The following ADGRB3 variants were observed in gnomAD, a reference collection of about 807,000 sequenced individuals.
ADGRB3 encodes brain-specific angiogenesis inhibitor 3.
Under a neutral mutation model 193.4 loss-of-function variants are expected in ADGRB3, and 37 were observed. The observed-to-expected ratio is 0.19, with a 90% CI of 0.15 to 0.25. ADGRB3 has a LOEUF of 0.25. ADGRB3 is among the 10% of genes least tolerant of loss of function. The pLI is 1.00. For synonymous variants in ADGRB3, 690 were observed against 644.2 expected (o/e 1.07, Z -1.08); for missense variants, 1,637 against 1,852.9 (o/e 0.88, Z 2.14).
chr6:68,691,360 G>T (rs1339773425), intron 3 of ADGRB3, among the ~76,000 whole-genome samples: 1 of 151,990 alleles, frequency 6.6e-6, no homozygotes, highest in Non-Finnish European at 1.5e-5. Context: ...TTGAAACAAG[G>T]ACCAGGCATT....
At chr6:68,825,395 G>T (rs923356566) in intron 3 of ADGRB3, among the ~76,000 whole-genome samples, 2 of 152,050 alleles carry the variant, frequency 1.3e-5, no homozygotes, top group African/African-American at 4.8e-5. Context: ...TTTGTATTAT[G>T]TAATGTTTCA....
rs554662098 is a variant in ADGRB3 at position 69,359,543 on chromosome 6, T to A, written c.3596-1326T>A. Among the ~76,000 whole-genome samples, 14 of 152,036 alleles carry A rather than the reference T, an allele frequency of 9.2e-5. No homozygotes were observed. The South Asian group carries it at 2.9e-3, about 32-fold the overall frequency. On this transcript the variant is annotated intron_variant, in intron 28 of 31. Transcript: ENST00000370598. ...TAATATCTTTCAAGATAACAGATATTACATGAATGATTCATGTTTTGAAAT... is the reference window on the plus strand; with the variant it reads ...TAATATCTTTCAAGATAACAGATATAACATGAATGATTCATGTTTTGAAAT...
intron 3 of ADGRB3, among the ~76,000 whole-genome samples, chr6:68,660,538 C>A (rs1165789787): frequency 2.0e-5 from 3 of 150,830 alleles, no homozygotes; most frequent in Non-Finnish European, 4.5e-5. Context: ...TGATTCAGAG[C>A]CACTCAAATT....
At chr6:68,745,436 G>A (rs1766065112) in intron 3 of ADGRB3, among the ~76,000 whole-genome samples, 2 of 152,138 alleles carry the variant, frequency 1.3e-5, no homozygotes, top group South Asian at 4.1e-4. Flanking sequence ...AGGGAATGGG[G>A]AAATAGGGAA....
intron 17 of ADGRB3, among the ~76,000 whole-genome samples, chr6:69,162,266 A>G (rs1775017496): frequency 6.6e-6 from 1 of 152,160 alleles, no homozygotes; most frequent in Non-Finnish European, 1.5e-5. Flanking sequence ...TGTTTACAAA[A>G]TTAATACTCT....
intron 17 of ADGRB3, among the ~76,000 whole-genome samples, chr6:69,163,487 C>T: frequency 6.6e-6 from 1 of 151,960 alleles, no homozygotes; most frequent in East Asian, 1.9e-4. Flanking sequence ...TCAAGTAAAG[C>T]CATTCAAATT....
At chr6:68,991,392 A>G (rs1030135671) in intron 10 of ADGRB3, among the ~76,000 whole-genome samples, 1 of 152,032 alleles carries the variant, frequency 6.6e-6, no homozygotes, top group Non-Finnish European at 1.5e-5. Flanking sequence ...AAAAAACAAG[A>G]AATAGAAGGC....
intron 3 of ADGRB3, among the ~76,000 whole-genome samples, chr6:68,865,388 T>G (rs1765269431): frequency 6.6e-6 from 1 of 152,156 alleles, no homozygotes. Flanking sequence ...AAGGGAAGGA[T>G]CTGTCTTTCT....
chr6:69,239,169 G>C lies in ADGRB3; in HGVS notation c.2757G>C (p.Leu919=). The change falls in exon 20 of 32, where the codon CTG becomes CTC. Residue 919 remains leucine (L), a synonymous_variant. Transcript: ENST00000370598. ...ERSIILINFC[L]SIISSNILIL... ...CCATAATACTAATTAACTTCTGCCT[G>C]TCTATCATCTCATCCAATATCCTCA... 6.2e-7 allele frequency: 1 copy of C among 1,604,248 alleles called. No homozygotes were observed. Among genetic ancestry groups the C allele is most frequent in the South Asian group, 1.1e-5 (1 of 90,830 alleles).
In ADGRB3 at chr6:69,128,896, C is replaced by G. The variant is rs114984599; in HGVS notation, c.2480+52858C>G. On this transcript the variant is annotated intron_variant, in intron 17 of 31. Coordinates refer to ENST00000370598, the MANE Select transcript of ADGRB3 (RefSeq NM_001704.3). ...AGATATATTGAATGTCTTCTCACTT[C>G]AAGTTGCAGAATTAGCACTGAGACA... 4.7e-4 allele frequency among the ~76,000 whole-genome samples: 71 copies of G among 152,260 alleles called. 1 individual carries two copies. Among genetic ancestry groups the G allele is most frequent in the African/African-American group, 1.7e-3 (70 of 41,556 alleles).
intron 27 of ADGRB3, 79 bp downstream of exon 27, chr6:69,354,407 A>G: frequency 8.0e-7 from 1 of 1,246,662 alleles, no homozygotes; most frequent in South Asian, 1.2e-5. Context: ...TGAGTAAAAT[A>G]GTGTAAAATT....
chr6:68,658,186 A>G (rs1006559876), intron 3 of ADGRB3, among the ~76,000 whole-genome samples: 6 of 151,320 alleles, frequency 4.0e-5, no homozygotes, highest in African/African-American at 1.5e-4. Context: ...AGACACAGAA[A>G]AGTTAAGTGA....
At chr6:68,730,529 T>C (rs1219594141) in intron 3 of ADGRB3, among the ~76,000 whole-genome samples, 1 of 151,636 alleles carries the variant, frequency 6.6e-6, no homozygotes, top group East Asian at 1.9e-4. Context: ...ATTGAAATGA[T>C]ACACACGGAT....
At chr6:68,941,902 A>C (rs927091599) in intron 5 of ADGRB3, among the ~76,000 whole-genome samples, 6 of 150,440 alleles carry the variant, frequency 4.0e-5, no homozygotes, top group Admixed American at 2.7e-4. Flanking sequence ...ATTTTATTAG[A>C]GCTAAATATA....
chr6:69,282,999 G>A (rs2127287188), intron 20 of ADGRB3, among the ~76,000 whole-genome samples: 1 of 151,994 alleles, frequency 6.6e-6, no homozygotes, highest in East Asian at 1.9e-4. Flanking sequence ...TAAAAGAGAT[G>A]GGCCATGAGG....
At chr6:68,976,006 C>G (rs927404399) in intron 10 of ADGRB3, among the ~76,000 whole-genome samples, 11 of 152,164 alleles carry the variant, frequency 7.2e-5, no homozygotes, top group African/African-American at 2.7e-4. Flanking sequence ...TTCATCCTGA[C>G]AGTCAACAGG....
intron 17 of ADGRB3, among the ~76,000 whole-genome samples, chr6:69,206,377 T>G (rs894925825): frequency 1.3e-5 from 2 of 152,042 alleles, no homozygotes; most frequent in African/African-American, 4.8e-5. Context: ...TTAATCTCCT[T>G]TGGCAATGCC....
chr6:69,381,355 TG>T (rs1264428763), intron 30 of ADGRB3, among the ~76,000 whole-genome samples: 1 of 151,950 alleles, frequency 6.6e-6, no homozygotes, highest in African/African-American at 2.4e-5. Context: ...TGAGTAATGT[TG>T]CCATGTTCTT....
chr6:69,258,153 A>G (rs573047563), intron 20 of ADGRB3, among the ~76,000 whole-genome samples: 60 of 152,242 alleles, frequency 3.9e-4, no homozygotes, highest in African/African-American at 1.2e-3. Flanking sequence ...GAGAAGGATG[A>G]AAAAAATGAC....
Sources: allele counts gnomAD v4.1 joint callset (sites outside exome capture counted in the v4.1 genomes callset), GRCh38; gene constraint gnomAD v4.1.1; transcripts MANE v1.5; gene names NCBI Gene and HGNC (gene_info 2026-07-23, HGNC 2026-07-21).